FRAS1: variants seen among roughly 807,000 people sequenced by gnomAD.
FRAS1 encodes Fraser extracellular matrix complex subunit 1.
Under a neutral mutation model 435.2 loss-of-function variants are expected in FRAS1, and 290 were observed. The observed-to-expected ratio is 0.67, with a 90% CI of 0.61 to 0.73. The LOEUF is 0.73. Ranked by LOEUF, FRAS1 falls within the 30% of genes least tolerant of loss-of-function variation. The probability of loss-of-function intolerance (pLI) is 0.00; values close to 1 mark genes in which losing one functional copy is unlikely to be tolerated. For synonymous variants in FRAS1, 1,800 were observed against 1,851.0 expected, an observed-to-expected ratio of 0.97 and a Z score of 0.71; for missense variants, 4,860 against 5,001.5, an observed-to-expected ratio of 0.97 and a Z score of 0.85.
rs775793976 is a variant in FRAS1 at position 78,537,002 on chromosome 4, C to T, written c.11100C>T (p.Ile3700=). ...ACCTTTCAATCTTTTCAGGTCAAATCCTTTATGGCCGAGTACTTTGGAATC... is the reference window on the plus strand; with the variant it reads ...ACCTTTCAATCTTTTCAGGTCAAATTCTTTATGGCCGAGTACTTTGGAATC... ...DYKGAFSKGQ[I]LYGRVLWNPE... Residue 3700 remains isoleucine (I), a synonymous_variant, in exon 72 of 74, where the codon ATC becomes ATT. Transcript: ENST00000512123. 7 of 1,613,606 alleles carry T rather than the reference C, an allele frequency of 4.3e-6. No homozygotes were observed. Among genetic ancestry groups the T allele is most frequent in the Non-Finnish European group, 5.9e-6 (7 of 1,179,626 alleles).
chr4:78,274,210 T>C (rs1726872497), intron 9 of FRAS1, among the ~76,000 whole-genome samples: 1 of 152,232 alleles, frequency 6.6e-6, no homozygotes, highest in Non-Finnish European at 1.5e-5. Flanking sequence ...TCTCTTTTCT[T>C]CTGTATTAGT....
intron 2 of FRAS1, among the ~76,000 whole-genome samples, chr4:78,120,826 A>G (rs1048600914): frequency 6.6e-6 from 1 of 152,202 alleles, no homozygotes; most frequent in African/African-American, 2.4e-5. Context: ...AAATCTTGCT[A>G]CAAGATTTTA....
At chr4:78,398,234 C>T (rs1485164913) in intron 29 of FRAS1, among the ~76,000 whole-genome samples, 1 of 152,188 alleles carries the variant, frequency 6.6e-6, no homozygotes, top group African/African-American at 2.4e-5. Flanking sequence ...TTCTAAAAGG[C>T]TCAGCTGTGA....
intron 30 of FRAS1, among the ~76,000 whole-genome samples, chr4:78,402,854 T>G (rs1732951764): frequency 6.6e-6 from 1 of 152,206 alleles, no homozygotes; most frequent in Non-Finnish European, 1.5e-5. Flanking sequence ...GGTCAGATAT[T>G]TGTAGACTCT....
rs1191312786 is a variant in FRAS1 at position 78,387,589 on chromosome 4, T to G, written c.3863T>G (p.Leu1288Arg). Reference protein sequence around the residue: ...QFQLDELSRGLLHYAHDGSDS... With the variant: ...QFQLDELSRGRLHYAHDGSDS... The stretch of plus-strand genomic sequence containing the variant: ...CAGCTGGATGAACTCTCTAGAGGCC[T>G]TCTCCACTATGCTCATGATGGTTCA... The change falls in exon 29 of 74, where the codon CTT becomes CGT. Residue 1288 changes from leucine (L) to arginine (R), a missense_variant. Physicochemically the swap from Leu to Arg is moderately radical, Grantham distance 102. Coordinates refer to ENST00000512123, the MANE Select transcript of FRAS1 (RefSeq NM_025074.7). 1.2e-6 allele frequency: 2 copies of G among 1,613,710 alleles called. No homozygotes were observed. Among genetic ancestry groups the G allele is most frequent in the Non-Finnish European group, 1.7e-6 (2 of 1,179,728 alleles).
chr4:78,205,368 AT>A (rs1723214104), intron 2 of FRAS1, among the ~76,000 whole-genome samples: 1 of 151,916 alleles, frequency 6.6e-6, no homozygotes, highest in Non-Finnish European at 1.5e-5. Flanking sequence ...CACCCAGCTA[AT>A]TTTTTGTAGA....
chr4:78,208,309 A>G (rs1230296273), intron 2 of FRAS1, among the ~76,000 whole-genome samples: 1 of 152,182 alleles, frequency 6.6e-6, no homozygotes, highest in Admixed American at 6.5e-5. Flanking sequence ...CTTGAGCTCT[A>G]GATCTTCCCT....
At chr4:78,386,756 C>G (rs761297731) in intron 28 of FRAS1, among the ~76,000 whole-genome samples, 29 of 151,980 alleles carry the variant, frequency 1.9e-4, no homozygotes, top group Non-Finnish European at 3.2e-4. Flanking sequence ...TGGGAGGTAA[C>G]CTGACAATCC....
chr4:78,127,542 A>T lies in FRAS1; in HGVS notation c.108+61526A>T, dbSNP rs1037376943. On this transcript the variant is annotated intron_variant, in intron 2 of 73. Coordinates refer to ENST00000512123, the MANE Select transcript of FRAS1 (RefSeq NM_025074.7). ...GGGATTTGGGAGATATTTAAGAAGT[A>T]AGGTCATTAAGACTTGGTAGATAAT... Among the ~76,000 whole-genome samples, 4 of 152,074 alleles carry T rather than the reference A, an allele frequency of 2.6e-5. No homozygotes were observed. The East Asian group carries it at 7.7e-4, about 29-fold the overall frequency.
intron 47 of FRAS1, among the ~76,000 whole-genome samples, chr4:78,461,313 T>C (rs1404035225): frequency 1.3e-5 from 2 of 152,214 alleles, no homozygotes; most frequent in Non-Finnish European, 2.9e-5. Flanking sequence ...TCCAAGAGGT[T>C]TCTTGTCTAG....
intron 18 of FRAS1, among the ~76,000 whole-genome samples, chr4:78,329,715 T>C (rs1729867205): frequency 6.6e-6 from 1 of 152,220 alleles, no homozygotes; most frequent in South Asian, 2.1e-4. Flanking sequence ...TGACCATTCA[T>C]GGGAAATGGT....
chr4:78,193,943 A>G (rs1722673675), intron 2 of FRAS1, among the ~76,000 whole-genome samples: 1 of 152,182 alleles, frequency 6.6e-6, no homozygotes, highest in South Asian at 2.1e-4. Context: ...CGCTTCCTTC[A>G]GGAGCTCCTT....
At chr4:78,100,764 A>G (rs1742083928) in intron 2 of FRAS1, among the ~76,000 whole-genome samples, 1 of 152,108 alleles carries the variant, frequency 6.6e-6, no homozygotes, top group Non-Finnish European at 1.5e-5. Flanking sequence ...GCGTGTGTGT[A>G]TTATATATAT....
intron 53 of FRAS1, among the ~76,000 whole-genome samples, chr4:78,473,930 T>C (rs1279363742): frequency 6.6e-6 from 1 of 152,238 alleles, no homozygotes; most frequent in Non-Finnish European, 1.5e-5. Flanking sequence ...GACCAGGATG[T>C]AAGCCCAGTG....
intron 58 of FRAS1, among the ~76,000 whole-genome samples, chr4:78,485,333 A>C (rs1455431498): frequency 6.6e-6 from 1 of 152,220 alleles, no homozygotes; most frequent in African/African-American, 2.4e-5. Flanking sequence ...TAACATATAG[A>C]GTCCTCACTG....
chr4:78,303,403 T>C (rs1728527550), intron 14 of FRAS1, among the ~76,000 whole-genome samples: 1 of 152,176 alleles, frequency 6.6e-6, no homozygotes, highest in Non-Finnish European at 1.5e-5. Flanking sequence ...AGAAAGTCAT[T>C]GGTAGCTTGA....
chr4:78,429,140 A>C lies in FRAS1; in HGVS notation c.4757A>C (p.His1586Pro), dbSNP rs1288633349. The change falls in exon 36 of 74, where the codon CAC becomes CCC. Residue 1586 changes from histidine to proline, a missense_variant. By Grantham distance (77) the His-to-Pro change is moderately conservative. Coordinates refer to ENST00000512123, the MANE Select transcript of FRAS1 (RefSeq NM_025074.7). ...HTSPEMVLTIHLLPSDQQLPV... is the reference protein window; with the variant it reads ...HTSPEMVLTIPLLPSDQQLPV... Reference sequence around the variant, plus strand: ...AGTCCGGAGATGGTCCTCACCATTCACTTACTTCCCAGTGATCAGCAACTG... The same window carrying C: ...AGTCCGGAGATGGTCCTCACCATTCCCTTACTTCCCAGTGATCAGCAACTG... 1.5e-5 allele frequency: 23 copies of C among 1,580,802 alleles called. No homozygotes were observed. Among genetic ancestry groups the C allele is most frequent in the Non-Finnish European group, 1.9e-5 (22 of 1,163,128 alleles).
At chr4:78,334,319 A>G (rs1290503968) in intron 19 of FRAS1, among the ~76,000 whole-genome samples, 1 of 143,566 alleles carries the variant, frequency 7.0e-6, no homozygotes, top group Admixed American at 6.9e-5. Flanking sequence ...TTAGAGCTAT[A>G]CTTTTTAATA....
chr4:78,379,687 GTACCAT>G (rs1560692553), intron 26 of FRAS1, 33 bp from the exon 27 acceptor site: 1 of 1,580,238 alleles, frequency 6.3e-7, no homozygotes, highest in Non-Finnish European at 8.6e-7. Flanking sequence ...ATTAGTGAAG[GTACCAT>G]AAGCTTGACC....
Sources: gnomAD v4.1 joint callset for allele counts (sites outside exome capture counted in the v4.1 genomes callset) on GRCh38, gnomAD v4.1.1 for gene constraint, MANE v1.5 for transcripts, NCBI Gene and HGNC (gene_info 2026-07-23, HGNC 2026-07-21) for gene names.